PCBP2: variants seen among roughly 807,000 people sequenced by gnomAD.
PCBP2 encodes poly(rC) binding protein 2.
Under a neutral mutation model 50.1 loss-of-function variants are expected in PCBP2, and 4 were observed. The ratio of observed to expected loss-of-function variants is 0.08; its 90% CI spans 0.04 to 0.18. PCBP2 has a LOEUF of 0.18. Among genes scored for constraint, PCBP2 ranks in the 10% least tolerant of loss-of-function variants. PCBP2 has a pLI of 1.00. For synonymous variants in PCBP2, 179 were observed against 168.0 expected, an observed-to-expected ratio of 1.07 and a Z score of -0.51; for missense variants, 161 against 474.3, an observed-to-expected ratio of 0.34 and a Z score of 6.14.
rs1942981482 is a variant in PCBP2, at chr12:53,480,544, GAC to G, written c.*1104_*1105del. 6.6e-6 allele frequency: 1 copy of G among 152,584 alleles called. No homozygotes were observed. 9.5% of individuals were successfully genotyped at this position (152,584 alleles called of 1,614,324 possible). ...AGGTTTTTCACAGGGGTTACAGTAG[GAC>G]AGTCCCCACCCCAATCAGGCACCAG... On this transcript the variant is annotated 3_prime_UTR_variant, in exon 15 of 15. Transcript: ENST00000546463.
At chr12:53,463,993 T>C (rs1384197534) in intron 8 of PCBP2, among the ~76,000 whole-genome samples, 1 of 152,218 alleles carries the variant, frequency 6.6e-6, no homozygotes, top group Non-Finnish European at 1.5e-5. Context: ...GTCACAGTGT[T>C]AACCTTGAGT....
At position 53,465,922 on chromosome 12, in the gene PCBP2, CCTT is replaced by C. The variant is rs1565865873; in HGVS notation, c.673-9_673-7del. 1 of 1,610,336 alleles carries C rather than the reference CCTT, an allele frequency of 6.2e-7. No homozygotes were observed. ...GGTTTTTAATAGGAACTGTTTTCCT[CCTT>C]TTGTAGGCCTATACCATTCAAGGAC... On this transcript the variant is annotated splice_polypyrimidine_tract_variant and splice_region_variant and intron_variant, in intron 9 of 14. Coordinates refer to ENST00000546463, the MANE Select transcript of PCBP2 (RefSeq NM_031989.5).
chr12:53,460,380 C>A, intron 6 of PCBP2: 1 of 402,194 alleles, frequency 2.5e-6, no homozygotes, highest in East Asian at 8.9e-5. Context: ...CCTGAGCTTC[C>A]GATGATTCGA....
At chr12:53,462,063 C>T (rs1163819164) in intron 7 of PCBP2, among the ~76,000 whole-genome samples, 1 of 152,126 alleles carries the variant, frequency 6.6e-6, no homozygotes, top group Non-Finnish European at 1.5e-5. Flanking sequence ...AGCCTTTGAA[C>T]TATTTATAGA....
rs1942937707 is a variant in PCBP2 at position 53,479,765 on chromosome 12, A to G, written c.*323A>G. 1.1e-5 allele frequency: 2 copies of G among 190,270 alleles called. No individual in the cohort carries two copies. Among genetic ancestry groups the G allele is most frequent in the African/African-American group, 2.4e-5 (1 of 40,874 alleles). 11.8% of individuals were successfully genotyped at this position (190,270 alleles called of 1,614,324 possible). A position where few individuals can be genotyped will look rare whatever the true frequency, so the allele number is the denominator to read the frequency against. ...TCAGTTTAGTTCTGTAATGTCAGGA[A>G]TTTTTCAAAAAAATTAAAAGATGGA... On this transcript the variant is annotated 3_prime_UTR_variant, in exon 15 of 15. Transcript: ENST00000546463.
chr12:53,471,942 T>C (rs1024121701), intron 14 of PCBP2, 135 bp downstream of exon 14: 38 of 548,410 alleles, frequency 6.9e-5, no homozygotes, highest in Non-Finnish European at 1.0e-4. Context: ...TTTTTTTTGC[T>C]AGCTCTACTT....
intron 14 of PCBP2, among the ~76,000 whole-genome samples, chr12:53,473,653 G>C (rs1008817114): frequency 1.3e-5 from 2 of 152,152 alleles, no homozygotes; most frequent in Non-Finnish European, 2.9e-5. Context: ...CTTAGCCATG[G>C]ATTAGGGTCA....
intron 14 of PCBP2, among the ~76,000 whole-genome samples, chr12:53,478,386 G>T (rs1254947847): frequency 1.3e-5 from 2 of 152,014 alleles, no homozygotes; most frequent in African/African-American, 4.8e-5. Context: ...CAGCTGCCTG[G>T]AATTGCAGCT....
intron 1 of PCBP2, among the ~76,000 whole-genome samples, chr12:53,454,179 A>G (rs79001015): frequency 6.6e-6 from 1 of 152,270 alleles, no homozygotes; most frequent in East Asian, 1.9e-4. Context: ...GTGTTGATCT[A>G]AATCTTTTAG....
chr12:53,467,363 T>G (rs1476206746), intron 11 of PCBP2, 70 bp downstream of exon 11: 2 of 1,260,016 alleles, frequency 1.6e-6, no homozygotes, highest in East Asian at 4.6e-5. Context: ...AGGTCTCAGC[T>G]TGACATCTGT....
intron 5 of PCBP2, among the ~76,000 whole-genome samples, chr12:53,458,864 C>G (rs907579414): frequency 6.6e-6 from 1 of 152,020 alleles, no homozygotes; most frequent in African/African-American, 2.4e-5. Flanking sequence ...GTCTTGAACT[C>G]CCTGACCTGA....
At chr12:53,453,506 A>G (rs1424208163) in intron 1 of PCBP2, among the ~76,000 whole-genome samples, 1 of 152,206 alleles carries the variant, frequency 6.6e-6, no homozygotes, top group African/African-American at 2.4e-5. Context: ...TAGCCAGAGG[A>G]CAGTTTGCCA....
chr12:53,460,934 T>G, intron 6 of PCBP2, 81 bp from the exon 7 acceptor site: 2 of 1,475,274 alleles, frequency 1.4e-6, no homozygotes, highest in Non-Finnish European at 1.9e-6. Flanking sequence ...ACTAGAGTTT[T>G]AGGCTCTGAA....
chr12:53,479,432 G>C lies in PCBP2; in HGVS notation c.1079G>C (p.Gly360Ala), dbSNP rs780588750. 6.2e-7 allele frequency: 1 copy of C among 1,613,848 alleles called. No homozygotes were observed. The highest frequency in any genetic ancestry group is 8.5e-7 in the Non-Finnish European group (1 of 1,179,858). The change falls in exon 15 of 15, where the codon GGG becomes GCG. Residue 360 changes from glycine (G) to alanine (A), a missense_variant. Gly to Ala is a moderately conservative substitution (Grantham distance 60). This residue lies in a region of PCBP2 where 51 missense variants were observed against 193.0 expected (regional missense o/e 0.26). Transcript: ENST00000546463. ...VRLSSETGGM[G>A]SS is the part of the protein sequence containing the mutation. ...CTTTCCTCGGAGACGGGTGGCATGG[G>C]GAGCAGCTAGAACAATGCAGATTCA...
chr12:53,455,383 C>T lies in PCBP2; in HGVS notation c.93+13C>T. On this transcript the variant is annotated intron_variant, in intron 3 of 14. Coordinates refer to ENST00000546463, the MANE Select transcript of PCBP2 (RefSeq NM_031989.5). ...TATCATCGGAAAGGTAAGACAATTT[C>T]ACTTCAACTTCAATTACCATTTAGT... 1 of 1,614,022 alleles carries T rather than the reference C, an allele frequency of 6.2e-7. No homozygotes were observed.
At position 53,467,834 on chromosome 12, in the gene PCBP2, G is replaced by A; in HGVS notation, c.817G>A (p.Gly273Ser). 6.2e-7 allele frequency: 1 copy of A among 1,611,198 alleles called. No homozygotes were observed. The highest frequency in any genetic ancestry group is 8.5e-7 in the Non-Finnish European group (1 of 1,177,678). The part of the protein sequence containing the change: ...GIESSSPEVK[G>S]YWAGLDASAQ... ...TGAATCCAGCTCTCCAGAGGTGAAA[G>A]GCTATTGGGGTAATGATTAAAAAAA... Residue 273 changes from glycine (G) to serine (S), a missense_variant, in exon 12 of 15, where the codon GGC (glycine) becomes AGC (serine). By Grantham distance (56) the Gly-to-Ser change is moderately conservative. Transcript: ENST00000546463.
At chr12:53,456,826 C>G (rs995562227) in intron 5 of PCBP2, among the ~76,000 whole-genome samples, 6 of 152,146 alleles carry the variant, frequency 3.9e-5, no homozygotes, top group African/African-American at 7.2e-5. Context: ...TCTCTCCCTT[C>G]TGCATTAATG....
intron 13 of PCBP2, among the ~76,000 whole-genome samples, chr12:53,470,157 A>T (rs577544496): frequency 6.6e-6 from 1 of 151,594 alleles, no homozygotes; most frequent in African/African-American, 2.4e-5. Flanking sequence ...AGGCTGAGGC[A>T]AGTGGGTCAC....
At position 53,460,897 on chromosome 12, in the gene PCBP2, G is replaced by C. The variant is rs1030207696; in HGVS notation, c.376-118G>C. 9.0e-6 allele frequency: 10 copies of C among 1,116,880 alleles called. No individual in the cohort carries two copies. The African/African-American group carries it at 1.5e-4, about 17-fold the overall frequency. 69.2% of individuals were successfully genotyped at this position (1,116,880 alleles called of 1,614,324 possible). A position where few individuals can be genotyped will look rare whatever the true frequency, so the allele number is the denominator to read the frequency against. On this transcript the variant is annotated intron_variant, in intron 6 of 14. Coordinates refer to ENST00000546463, the MANE Select transcript of PCBP2 (RefSeq NM_031989.5). Reference sequence around the variant, plus strand: ...GGAAGAGTGGGACAAAGAACAAAAAGGGAAGATTGGAAATGGATAAATATC... The same window carrying C: ...GGAAGAGTGGGACAAAGAACAAAAACGGAAGATTGGAAATGGATAAATATC...
Sources: gnomAD v4.1 joint callset for allele counts (sites outside exome capture counted in the v4.1 genomes callset) on GRCh38, gnomAD v4.1.1 for gene constraint, gnomAD v4.1.1 regional missense constraint, MANE v1.5 for transcripts, NCBI Gene and HGNC (gene_info 2026-07-23, HGNC 2026-07-21) for gene names.